CMA1: variants seen among roughly 807,000 people sequenced by gnomAD.
CMA1 encodes chymase.
CMA1 carries 24 observed loss-of-function variants against 18.8 expected under a neutral mutation model. The ratio of observed to expected loss-of-function variants is 1.28; its 90% CI spans 0.92 to 1.80. CMA1 has a LOEUF of 1.80. CMA1 is among the 40% of genes most tolerant of loss of function. The pLI is 0.00. For synonymous variants in CMA1, 152 were observed against 117.0 expected (o/e 1.30, Z -1.93); for missense variants, 421 against 302.8 (o/e 1.39, Z -2.90).
intron 4 of CMA1, 90 bp from the exon 5 acceptor site, chr14:24,505,749 A>C: frequency 6.7e-7 from 1 of 1,483,094 alleles, no homozygotes; most frequent in Non-Finnish European, 9.0e-7. Context: ...TGAGACCTAA[A>C]GTCAGACGCA....
intron 4 of CMA1, 97 bp from the exon 5 acceptor site, chr14:24,505,756 C>T (rs1371660252): frequency 4.8e-6 from 7 of 1,462,250 alleles, no homozygotes; most frequent in African/African-American, 2.8e-5. Context: ...TAAAGTCAGA[C>T]GCAGGAGGTG....
intron 2 of CMA1, among the ~76,000 whole-genome samples, chr14:24,507,001 G>A (rs2043863220): frequency 2.6e-5 from 4 of 152,168 alleles, no homozygotes; most frequent in Admixed American, 2.0e-4. Context: ...TCAGGACCCT[G>A]AGAACTAGAG....
chr14:24,505,799 C>T, intron 4 of CMA1, 140 bp from the exon 5 acceptor site: 4 of 1,182,368 alleles, frequency 3.4e-6, no homozygotes, highest in Non-Finnish European at 4.7e-6. Context: ...GTTCTGATGC[C>T]CCTTCTTCCT....
chr14:24,507,082 G>T (rs2043863760), intron 2 of CMA1, among the ~76,000 whole-genome samples: 2 of 152,216 alleles, frequency 1.3e-5, no homozygotes, highest in Non-Finnish European at 1.5e-5. Context: ...AGTGAGCCGT[G>T]TGTCTTGAGT....
chr14:24,505,531 G>T lies in CMA1; in HGVS notation c.729C>A (p.Ile243=), dbSNP rs1322002602. The T allele has an allele frequency of 6.2e-7, 1 of 1,614,072 alleles. No individual in the cohort carries two copies. Among genetic ancestry groups the T allele is most frequent in the Admixed American group, 1.7e-5 (1 of 60,014 alleles). Residue 243 remains isoleucine, a synonymous_variant, in exon 5 of 5, where the codon ATC becomes ATA. Transcript: ENST00000250378. ...GGATCCAGGATTAATTTGCCTGCAG[G>T]ATCTGGTTGATCCAGGGCCGGTAAT... The part of the protein sequence containing the change: ...ISHYRPWINQ[I]LQAN
rs139700002 is a variant in CMA1 at position 24,506,158 on chromosome 14, G to T, written c.470C>A (p.Pro157Gln). ...AGWGRTGVLK[P>Q]GSDTLQEVKL... ...CACCTCTTGCAGAGTGTCTGAGCCC[G>T]GCTTCAACACACCTGTTCTTCCCCA... is the stretch of plus-strand genomic sequence containing the variant. The change falls in exon 4 of 5, where the codon CCG becomes CAG. Residue 157 changes from proline to glutamine, a missense_variant. By Grantham distance (76) the Pro-to-Gln change is moderately conservative (BLOSUM62 -1). Transcript: ENST00000250378. The T allele has an allele frequency of 3.7e-5, 59 of 1,614,150 alleles. No individual in the cohort carries two copies. In the African/African-American group the frequency reaches 7.5e-4, roughly 20 times the overall value.
At chr14:24,506,445 A>G (rs1262064951) in intron 3 of CMA1, 24 bp downstream of exon 3, 1 of 1,613,334 alleles carries the variant, frequency 6.2e-7, no homozygotes, top group Non-Finnish European at 8.5e-7. Flanking sequence ...GGGAAGTGGA[A>G]AGGGAGAAGA....
intron 1 of CMA1, 137 bp downstream of exon 1, chr14:24,508,041 C>G (rs1284404218): frequency 1.2e-6 from 1 of 806,598 alleles, no homozygotes; most frequent in East Asian, 2.7e-5. Context: ...GGCACACATC[C>G]CAAGTGGAAA....
chr14:24,506,321 G>T (rs2043856257), intron 3 of CMA1, 39 bp from the exon 4 acceptor site: 1 of 1,605,214 alleles, frequency 6.2e-7, no homozygotes, highest in Non-Finnish European at 8.5e-7. Context: ...CTCGAAATGG[G>T]CTCTGGACAG....
In CMA1 at chr14:24,506,429, G is replaced by A. The variant is rs373495482; in HGVS notation, c.345+40C>T. ...ATGAGGACCTGAAGGAGAAGCTTAGGAGAATGGGAAGTGGAAAGGGAGAAG... is the reference window on the plus strand; with the variant it reads ...ATGAGGACCTGAAGGAGAAGCTTAGAAGAATGGGAAGTGGAAAGGGAGAAG... On this transcript the variant is annotated intron_variant, in intron 3 of 4. Coordinates refer to ENST00000250378, the MANE Select transcript of CMA1 (RefSeq NM_001836.5). 31 of 1,612,018 alleles carry A rather than the reference G, an allele frequency of 1.9e-5. No homozygotes were observed. In the African/African-American group the frequency reaches 3.2e-4, roughly 17 times the overall value.
intron 3 of CMA1, 92 bp from the exon 4 acceptor site, chr14:24,506,374 A>G: frequency 6.3e-7 from 1 of 1,592,176 alleles, no homozygotes; most frequent in Non-Finnish European, 8.6e-7. Flanking sequence ...GCTTCATGTT[A>G]TAGCCAAGTC....
intron 2 of CMA1, among the ~76,000 whole-genome samples, chr14:24,506,989 G>A (rs2043863076): frequency 6.6e-6 from 1 of 152,180 alleles, no homozygotes. Flanking sequence ...AAAATGATGG[G>A]TTCAGGACCC....
At position 24,508,178 on chromosome 14, in the gene CMA1, C is replaced by G; in HGVS notation, c.58G>C (p.Gly20Arg). The change falls in exon 1 of 5, where the codon GGG (glycine) becomes CGG (arginine). Residue 20 changes from glycine (G) to arginine (R), a missense_variant and splice_region_variant. Physicochemically the swap from Gly to Arg is moderately radical, Grantham distance 125. Coordinates refer to ENST00000250378, the MANE Select transcript of CMA1 (RefSeq NM_001836.5). ...LFLLCSRAEA[G>R]EIIGGTECKP... is the part of the protein sequence containing the mutation. ...CAGAGGGAAGAACCCTGATACTCAC[C>G]AGCTTCAGCTCTGGAGCACAAGAGA... The G allele has an allele frequency of 6.2e-7, 1 of 1,613,726 alleles. No individual in the cohort carries two copies.
At chr14:24,508,060 TG>T in intron 1 of CMA1, 117 bp downstream of exon 1, 1 of 982,784 alleles carries the variant, frequency 1.0e-6, no homozygotes, top group Non-Finnish European at 1.5e-6. Flanking sequence ...AATTTCCCTC[TG>T]GGACTCTTGA....
intron 2 of CMA1, 61 bp from the exon 3 acceptor site, chr14:24,506,665 G>A (rs2049253610): frequency 1.9e-6 from 3 of 1,586,976 alleles, no homozygotes; most frequent in Non-Finnish European, 2.6e-6. Flanking sequence ...TTCTTCTGAG[G>A]TGAGCTCATT....
In CMA1 at chr14:24,507,394, T is replaced by C. The variant is rs1298956738; in HGVS notation, c.171A>G (p.Arg57=). The C allele has an allele frequency of 6.2e-7, 1 of 1,614,114 alleles. No homozygotes were observed. Among genetic ancestry groups the C allele is most frequent in the South Asian group, 1.1e-5 (1 of 91,082 alleles). ...GAGCAGCCGTCAGCACAAAGTTCCG[T>C]CTTATAAGGAAACCACCACAAAATT... The part of the protein sequence containing the change: ...PSKFCGGFLI[R]RNFVLTAAHC... Residue 57 remains arginine, a synonymous_variant, in exon 2 of 5, where the codon AGA becomes AGG. Coordinates refer to ENST00000250378, the MANE Select transcript of CMA1 (RefSeq NM_001836.5).
intron 2 of CMA1, 78 bp downstream of exon 2, chr14:24,507,278 C>G: frequency 6.5e-7 from 1 of 1,546,204 alleles, no homozygotes; most frequent in Non-Finnish European, 8.9e-7. Context: ...CTCTTCAGTC[C>G]CCAGTGCAGG....
At chr14:24,507,265 C>G (rs1201874888) in intron 2 of CMA1, 91 bp downstream of exon 2, 1 of 1,472,150 alleles carries the variant, frequency 6.8e-7, no homozygotes, top group African/African-American at 1.4e-5. Flanking sequence ...GACCCAGGAC[C>G]CCCTCTTCAG....
intron 3 of CMA1, 65 bp downstream of exon 3, chr14:24,506,404 A>T: frequency 1.9e-6 from 3 of 1,602,388 alleles, no homozygotes; most frequent in Non-Finnish European, 1.7e-6. Flanking sequence ...ATTCAGGGCA[A>T]TGAGGACCTG....
Sources: allele counts gnomAD v4.1 joint callset (sites outside exome capture counted in the v4.1 genomes callset), GRCh38; gene constraint gnomAD v4.1.1; transcripts MANE v1.5; gene names NCBI Gene and HGNC (gene_info 2026-07-23, HGNC 2026-07-21).